Variants in RBFOX3 observed in about 807,000 individuals in gnomAD.
RBFOX3 encodes the protein RNA binding fox-1 homolog 3, also known as RNA binding protein fox-1 homolog 3.
In RBFOX3, 17 loss-of-function variants were observed where a neutral mutation model predicts 48.7. The observed-to-expected ratio is 0.35, with a 90% CI of 0.24 to 0.52. The LOEUF (loss-of-function observed/expected upper bound fraction) is 0.52. Ranked by LOEUF, RBFOX3 falls within the 20% of genes least tolerant of loss-of-function variation. The probability of loss-of-function intolerance (pLI) is 0.94; values close to 1 mark genes in which losing one functional copy is unlikely to be tolerated. For synonymous variants in RBFOX3, 212 were observed against 209.5 expected, an observed-to-expected ratio of 1.01 and a Z score of -0.10; for missense variants, 382 against 497.5, an observed-to-expected ratio of 0.77 and a Z score of 2.21.
intron 4 of RBFOX3, chr17:79,234,408 C>G (rs560901591): frequency 6.6e-5 from 10 of 152,176 alleles, no homozygotes; most frequent in Admixed American, 6.5e-4. Context: ...GAGCCAAGGG[C>G]GGGCTTAGGG....
chr17:79,613,699 C>T (rs1050828769), upstream of RBFOX3, among the ~76,000 whole-genome samples: 888 of 152,264 alleles, frequency 5.8e-3, 9 homozygotes, highest in African/African-American at 0.02. Flanking sequence ...AGGGGCTGGG[C>T]ATGGTGGCTC....
intron 1 of RBFOX3, among the ~76,000 whole-genome samples, chr17:79,589,455 G>T (rs2093354817): frequency 6.6e-6 from 1 of 152,120 alleles, no homozygotes; most frequent in African/African-American, 2.4e-5. Flanking sequence ...AGTCCTGTTG[G>T]ATTAGGGCCC....
At chr17:79,161,270 A>G (rs1472358112) in intron 4 of RBFOX3, among the ~76,000 whole-genome samples, 1 of 152,164 alleles carries the variant, frequency 6.6e-6, no homozygotes, top group African/African-American at 2.4e-5. Context: ...GCACGAGTCA[A>G]GTCGCAGAGC....
At chr17:79,150,035 T>TGGGGGGGGGGGTTGAGGGTGGGGGGG (rs1287799901) in intron 4 of RBFOX3, among the ~76,000 whole-genome samples, 1 of 7,914 alleles carries the variant, frequency 1.3e-4, no homozygotes, top group African/African-American at 5.5e-4. Context: ...GGGTGGGGGG[T>TGGGGGGGGGGGTTGAGGGTGGGGGGG]GGGGGTGGGG....
chr17:79,145,833 G>C (rs973247880), intron 4 of RBFOX3, among the ~76,000 whole-genome samples: 10 of 152,180 alleles, frequency 6.6e-5, no homozygotes, highest in African/African-American at 2.4e-4. Context: ...GATGACTGCT[G>C]GGGACAGGGT....
At chr17:79,095,423 G>T in intron 13 of RBFOX3, 90 bp downstream of exon 13, 1 of 1,189,656 alleles carries the variant, frequency 8.4e-7, no homozygotes, top group Non-Finnish European at 1.2e-6. Flanking sequence ...AGTGGGTTAC[G>T]CCTCCTGCCT....
At chr17:79,600,606 C>G (rs2093683892) in intron 1 of RBFOX3, 2 of 152,204 alleles carry the variant, frequency 1.3e-5, no homozygotes, top group South Asian at 2.1e-4. Context: ...TCTTCAGGCT[C>G]TGACTCTGAT....
At chr17:79,620,511 A>G in the RBFOX3 span, among the ~76,000 whole-genome samples, 1 of 148,296 alleles carries the variant, frequency 6.7e-6, no homozygotes, top group Non-Finnish European at 1.5e-5. Flanking sequence ...ACACATGCGC[A>G]TACGTGCACA....
chr17:79,357,147 G>T (rs2085309597), intron 2 of RBFOX3, among the ~76,000 whole-genome samples: 1 of 152,242 alleles, frequency 6.6e-6, no homozygotes, highest in African/African-American at 2.4e-5. Context: ...TGCTGTGGCT[G>T]CTGCTCTTGC....
the RBFOX3 span, among the ~76,000 whole-genome samples, chr17:79,638,480 T>A: frequency 6.6e-6 from 1 of 152,304 alleles, no homozygotes; most frequent in East Asian, 1.9e-4. Flanking sequence ...ACAAATGGGA[T>A]AATCTAGAAG....
chr17:79,116,681 G>C (rs1773807306), intron 4 of RBFOX3, among the ~76,000 whole-genome samples: 1 of 152,248 alleles, frequency 6.6e-6, no homozygotes, highest in Admixed American at 6.5e-5. Context: ...TCGGGGGGCA[G>C]GGAGGGTTCC....
At chr17:79,340,514 C>T (rs1437977499) in intron 2 of RBFOX3, among the ~76,000 whole-genome samples, 1 of 152,136 alleles carries the variant, frequency 6.6e-6, no homozygotes, top group Admixed American at 6.5e-5. Flanking sequence ...TTCCCCTCCA[C>T]ACCTCCCCAG....
the RBFOX3 span, among the ~76,000 whole-genome samples, chr17:79,662,157 A>G: frequency 5.7e-5 from 4 of 70,504 alleles, no homozygotes; most frequent in Non-Finnish European, 9.6e-5. Flanking sequence ...TCGGAGTCTC[A>G]CTCACTCCAG....
At chr17:79,573,555 C>A (rs1036343068) in intron 1 of RBFOX3, among the ~76,000 whole-genome samples, 26 of 152,338 alleles carry the variant, frequency 1.7e-4, no homozygotes, top group African/African-American at 6.0e-4. Flanking sequence ...CTGACTTCCC[C>A]AGCACGGGAA....
rs2058490517 is a variant in RBFOX3, at chr17:79,212,354, G to A, written c.-34+23412C>T. 6.6e-6 allele frequency among the ~76,000 whole-genome samples: 1 copy of A among 152,128 alleles called. No homozygotes were observed. Among genetic ancestry groups the A allele is most frequent in the South Asian group, 2.1e-4 (1 of 4,828 alleles). Reference sequence around the variant, plus strand: ...CCATTTGCCTGGGAGGAAGGAAGGGGCCGCACTTGCTCCAGCCTCTCTGGC... The same window carrying A: ...CCATTTGCCTGGGAGGAAGGAAGGGACCGCACTTGCTCCAGCCTCTCTGGC... On this transcript the variant is annotated intron_variant, in intron 4 of 14. Coordinates refer to ENST00000693108, the MANE Select transcript of RBFOX3 (RefSeq NM_001350451.2). This position sits in a 1 kb window ranked among gnomAD's most constrained non-coding sequence, Gnocchi z 4.7.
At chr17:79,447,142 T>C (rs1481337299) in intron 2 of RBFOX3, among the ~76,000 whole-genome samples, 1 of 152,224 alleles carries the variant, frequency 6.6e-6, no homozygotes, top group Non-Finnish European at 1.5e-5. Context: ...CAAATGTGAA[T>C]TTGTCGGCAG....
At chr17:79,508,122 G>A (rs1023930013) in intron 1 of RBFOX3, among the ~76,000 whole-genome samples, 8 of 152,342 alleles carry the variant, frequency 5.3e-5, no homozygotes, top group Admixed American at 1.3e-4. Flanking sequence ...CAGAGGCCAC[G>A]GTGAAACCGG....
chr17:79,565,988 C>T (rs2092439732), intron 1 of RBFOX3, among the ~76,000 whole-genome samples: 1 of 152,176 alleles, frequency 6.6e-6, no homozygotes, highest in Non-Finnish European at 1.5e-5. Context: ...TTGCTAGCTT[C>T]ACCCTACCAT....
chr17:79,389,669 G>C (rs1255490884), intron 2 of RBFOX3, among the ~76,000 whole-genome samples: 1 of 152,208 alleles, frequency 6.6e-6, no homozygotes, highest in African/African-American at 2.4e-5. Context: ...TGACTCCAGA[G>C]ATCTGGGGTG....
Sources: gnomAD v4.1 joint callset for allele counts (sites outside exome capture counted in the v4.1 genomes callset) on GRCh38, gnomAD v4.1.1 for gene constraint, Gnocchi (gnomAD v3.1) non-coding constraint, MANE v1.5 for transcripts, NCBI Gene and HGNC (gene_info 2026-07-23, HGNC 2026-07-21) for gene names.